Variants in MAPK10 observed in about 807,000 individuals in gnomAD.
MAPK10 encodes JNK3 alpha protein kinase.
In MAPK10, 25 loss-of-function variants were observed where a neutral mutation model predicts 59.3. That is an observed-to-expected ratio of 0.42 (90% CI 0.31 to 0.59). The LOEUF (loss-of-function observed/expected upper bound fraction) is 0.59. Among genes scored for constraint, MAPK10 ranks in the 20% least tolerant of loss-of-function variants. MAPK10 has a pLI of 0.15. For missense variants in MAPK10, 351 were observed against 568.9 expected (o/e 0.62, Z 3.90); for synonymous variants, 190 against 200.5 (o/e 0.95, Z 0.44).
intron 2 of MAPK10, among the ~76,000 whole-genome samples, chr4:86,309,053 AT>A (rs1158357309): frequency 5.3e-5 from 8 of 152,196 alleles, no homozygotes; most frequent in Middle Eastern, 3.2e-3. Context: ...CACATTTTAT[AT>A]CCTACAATCT....
At chr4:86,306,991 A>T (rs2095580250) in intron 2 of MAPK10, among the ~76,000 whole-genome samples, 1 of 152,170 alleles carries the variant, frequency 6.6e-6, no homozygotes, top group Admixed American at 6.5e-5. Flanking sequence ...TGACTTTCTA[A>T]ATCTGGGCAG....
intron 1 of MAPK10, among the ~76,000 whole-genome samples, chr4:86,548,221 G>T (rs530111105): frequency 6.6e-6 from 1 of 151,622 alleles, no homozygotes; most frequent in African/African-American, 2.4e-5. Context: ...CTCCAGACGC[G>T]CTGCCTTAAG....
chr4:86,405,243 T>A (rs1156616374), intron 1 of MAPK10, among the ~76,000 whole-genome samples: 1 of 152,196 alleles, frequency 6.6e-6, no homozygotes, highest in Non-Finnish European at 1.5e-5. Context: ...ATAGGTAAGA[T>A]GATCTCTCAT....
intron 1 of MAPK10, among the ~76,000 whole-genome samples, chr4:86,498,491 G>A (rs1057482235): frequency 6.6e-6 from 1 of 152,158 alleles, no homozygotes; most frequent in Non-Finnish European, 1.5e-5. Flanking sequence ...AAAGTGACTG[G>A]TTGTGGCTTT....
intron 2 of MAPK10, among the ~76,000 whole-genome samples, chr4:86,256,888 CCGCCA>C: frequency 1.4e-5 from 1 of 73,446 alleles, no homozygotes; most frequent in Non-Finnish European, 2.4e-5. Context: ...CTACAGGCGC[CCGCCA>C]TTGCGCCCGC....
chr4:86,540,214 G>C (rs1429537807), intron 1 of MAPK10, among the ~76,000 whole-genome samples: 1 of 152,158 alleles, frequency 6.6e-6, no homozygotes, highest in African/African-American at 2.4e-5. Flanking sequence ...GTAAGAACTG[G>C]GCCATGCACA....
chr4:86,148,478 TAGG>T (rs1036161187), intron 4 of MAPK10, among the ~76,000 whole-genome samples: 35 of 151,504 alleles, frequency 2.3e-4, no homozygotes, highest in African/African-American at 8.6e-4. Flanking sequence ...GAAGACGGAC[TAGG>T]AGAAGAAGAG....
intron 1 of MAPK10, among the ~76,000 whole-genome samples, chr4:86,427,474 T>C (rs775510233): frequency 1.6e-4 from 24 of 152,152 alleles, no homozygotes; most frequent in Non-Finnish European, 2.8e-4. Flanking sequence ...ATGCGTTTCT[T>C]GTCTTCATCA....
chr4:86,440,942 T>A, intron 1 of MAPK10, among the ~76,000 whole-genome samples: 1 of 152,140 alleles, frequency 6.6e-6, no homozygotes, highest in Non-Finnish European at 1.5e-5. Context: ...GCTTTAGTAA[T>A]GGGGAAGGAG....
chr4:86,061,035 T>C (rs1356689843), intron 11 of MAPK10, among the ~76,000 whole-genome samples: 1 of 152,174 alleles, frequency 6.6e-6, no homozygotes, highest in Non-Finnish European at 1.5e-5. Flanking sequence ...TCTTACTGAC[T>C]CCCAAGCATT....
chr4:86,109,303 G>A (rs954303135), intron 4 of MAPK10, among the ~76,000 whole-genome samples: 5 of 152,138 alleles, frequency 3.3e-5, no homozygotes, highest in African/African-American at 1.2e-4. Context: ...GTGGGACATG[G>A]TGGTTTGCTG....
chr4:86,039,944 T>C (rs975097806), intron 11 of MAPK10, among the ~76,000 whole-genome samples: 3 of 152,022 alleles, frequency 2.0e-5, no homozygotes, highest in African/African-American at 7.3e-5. Flanking sequence ...ACCTGAGGAC[T>C]CCAACAGCAG....
chr4:86,169,461 T>A (rs2073251034), intron 3 of MAPK10, among the ~76,000 whole-genome samples: 1 of 151,938 alleles, frequency 6.6e-6, no homozygotes, highest in Admixed American at 6.6e-5. Flanking sequence ...AGAAAGGATA[T>A]CAGCAATGGA....
At chr4:86,144,064 G>A (rs1277942114) in intron 4 of MAPK10, among the ~76,000 whole-genome samples, 2 of 152,068 alleles carry the variant, frequency 1.3e-5, no homozygotes, top group Non-Finnish European at 2.9e-5. Flanking sequence ...TTGTGAGAAG[G>A]TGCCAAATTA....
chr4:86,331,862 A>G (rs971880918), intron 2 of MAPK10, among the ~76,000 whole-genome samples: 4 of 152,192 alleles, frequency 2.6e-5, no homozygotes, highest in Non-Finnish European at 5.9e-5. Context: ...AAGTATAATT[A>G]TCTACAAGGC....
chr4:86,070,346 TTC>T (rs1284821260), intron 9 of MAPK10, among the ~76,000 whole-genome samples: 15 of 151,354 alleles, frequency 9.9e-5, no homozygotes, highest in African/African-American at 3.4e-4. Flanking sequence ...TGATTTTTCT[TTC>T]TTTTTTTTTT....
chr4:86,326,460 C>T lies in MAPK10; in HGVS notation c.-7+28070G>A, dbSNP rs574043038. The T allele has an allele frequency of 3.3e-5, 5 of 152,264 alleles. No homozygotes were observed. The East Asian group carries it at 9.7e-4, about 29-fold the overall frequency. 9.4% of individuals were successfully genotyped at this position (152,264 alleles called of 1,614,324 possible). A position where few individuals can be genotyped will look rare whatever the true frequency, so the allele number is the denominator to read the frequency against. On this transcript the variant is annotated intron_variant, in intron 2 of 13. Coordinates refer to ENST00000641462, the MANE Select transcript of MAPK10 (RefSeq NM_138982.4). The stretch of plus-strand genomic sequence containing the variant: ...GGCTTCCCTGAGAGATGGTAAGGGT[C>T]TGAGCCAGGGCAGCAGTGGTGTAGA...
In MAPK10 at chr4:86,359,306, G is replaced by C. The variant is rs1401221570; in HGVS notation, c.-122+352C>G. Among the ~76,000 whole-genome samples, 38 of 128,750 alleles carry C rather than the reference G, an allele frequency of 3.0e-4. No homozygotes were observed. In the South Asian group the frequency reaches 9.4e-3, roughly 32 times the overall value. 84.5% of individuals were successfully genotyped at this position (128,750 alleles called of 152,430 possible). A position where few individuals can be genotyped will look rare whatever the true frequency, so the allele number is the denominator to read the frequency against. ...TCTCTCTCTGTGTGTGTGTGTGTGT[G>C]TGTGTGTGTGTGTGTGTGTGTGTGT... On this transcript the variant is annotated intron_variant, in intron 1 of 13. Coordinates refer to ENST00000641462, the MANE Select transcript of MAPK10 (RefSeq NM_138982.4).
chr4:86,426,029 T>C (rs1204819837), intron 1 of MAPK10, among the ~76,000 whole-genome samples: 1 of 152,230 alleles, frequency 6.6e-6, no homozygotes, highest in Non-Finnish European at 1.5e-5. Context: ...AAGGATTCTC[T>C]CATTCAAATG....
Sources: gnomAD v4.1 joint callset for allele counts (sites outside exome capture counted in the v4.1 genomes callset) on GRCh38, gnomAD v4.1.1 for gene constraint, MANE v1.5 for transcripts, NCBI Gene and HGNC (gene_info 2026-07-23, HGNC 2026-07-21) for gene names.